The following SOBP variants were observed in gnomAD, a reference collection of about 807,000 sequenced individuals.
SOBP encodes the protein sine oculis-binding protein homolog.
In SOBP, 4 loss-of-function variants were observed where a neutral mutation model predicts 53.6. The ratio of observed to expected loss-of-function variants is 0.07; its 90% CI spans 0.04 to 0.17. The LOEUF is 0.17. Among genes scored for constraint, SOBP ranks in the 10% least tolerant of loss-of-function variants. The probability of loss-of-function intolerance (pLI) is 1.00; values close to 1 mark genes in which losing one functional copy is unlikely to be tolerated. For synonymous variants in SOBP, 584 were observed against 522.6 expected, an observed-to-expected ratio of 1.12 and a Z score of -1.60; for missense variants, 1,088 against 1,204.7, an observed-to-expected ratio of 0.90 and a Z score of 1.43.
At chr6:107,619,048 GGACAGA>G (rs1786907823) in intron 5 of SOBP, among the ~76,000 whole-genome samples, 1 of 152,182 alleles carries the variant, frequency 6.6e-6, no homozygotes, top group Non-Finnish European at 1.5e-5. Context: ...GTTGATTTCT[GGACAGA>G]GCCTGTTAAC....
At chr6:107,564,579 C>CTAA (rs1562618196) in intron 4 of SOBP, among the ~76,000 whole-genome samples, 1 of 104,766 alleles carries the variant, frequency 9.5e-6, no homozygotes. Context: ...TAGTTGTTGA[C>CTAA]CATAGCTCTG....
chr6:107,530,176 A>G (rs765245719), intron 3 of SOBP, among the ~76,000 whole-genome samples: 16 of 152,326 alleles, frequency 1.1e-4, no homozygotes, highest in Admixed American at 3.9e-4. Context: ...AAGACAGGTA[A>G]TTAGGTTTTC....
intron 6 of SOBP, among the ~76,000 whole-genome samples, chr6:107,654,705 T>C (rs1257961159): frequency 6.6e-6 from 1 of 152,122 alleles, no homozygotes; most frequent in Non-Finnish European, 1.5e-5. Context: ...GGATGGTGGC[T>C]GAGGAACACA....
At chr6:107,510,745 T>C (rs1314897691) in intron 3 of SOBP, 1 of 152,234 alleles carries the variant, frequency 6.6e-6, no homozygotes, top group African/African-American at 2.4e-5. Flanking sequence ...ATTTTCTAGC[T>C]GTATGTAGGT....
At chr6:107,580,902 G>A (rs1785381929) in intron 4 of SOBP, among the ~76,000 whole-genome samples, 2 of 152,164 alleles carry the variant, frequency 1.3e-5, no homozygotes, top group South Asian at 2.1e-4. Flanking sequence ...GCTGAGACTC[G>A]GGTATGGAGA....
At chr6:107,631,427 T>C (rs1770711969) in intron 5 of SOBP, among the ~76,000 whole-genome samples, 2 of 152,232 alleles carry the variant, frequency 1.3e-5, no homozygotes, top group African/African-American at 2.4e-5. Context: ...CACATCATTA[T>C]ACATTAATTT....
intron 5 of SOBP, among the ~76,000 whole-genome samples, chr6:107,613,302 C>A (rs1042200201): frequency 6.6e-6 from 1 of 152,250 alleles, no homozygotes; most frequent in Non-Finnish European, 1.5e-5. Context: ...GGTCCTAAGA[C>A]TAGACCCAGG....
chr6:107,498,602 GT>G (rs1411565592), intron 1 of SOBP, among the ~76,000 whole-genome samples: 7 of 152,130 alleles, frequency 4.6e-5, no homozygotes, highest in Non-Finnish European at 8.8e-5. Flanking sequence ...AAAAAATCAT[GT>G]AGGTTGAACT....
At chr6:107,646,462 C>G (rs1771563330) in intron 6 of SOBP, among the ~76,000 whole-genome samples, 1 of 152,218 alleles carries the variant, frequency 6.6e-6, no homozygotes, top group Non-Finnish European at 1.5e-5. Context: ...CAGATGTGGG[C>G]TGCTGTTTCA....
At chr6:107,656,317 A>AAAAC (rs1554193529) in intron 6 of SOBP, among the ~76,000 whole-genome samples, 68 of 39,462 alleles carry the variant, frequency 1.7e-3, no homozygotes, top group Non-Finnish European at 4.1e-3. Flanking sequence ...GAAAGAAAGA[A>AAAAC]AGAAAGAAAG....
intron 3 of SOBP, among the ~76,000 whole-genome samples, chr6:107,515,516 A>T (rs1487418887): frequency 6.6e-6 from 1 of 152,174 alleles, no homozygotes; most frequent in Non-Finnish European, 1.5e-5. Flanking sequence ...TGGGAGGCCG[A>T]GGTGGAGGGA....
At chr6:107,518,065 A>G (rs1426623969) in intron 3 of SOBP, among the ~76,000 whole-genome samples, 2 of 152,202 alleles carry the variant, frequency 1.3e-5, no homozygotes, top group East Asian at 1.9e-4. Context: ...TGAAAAAGCA[A>G]ATCACTGAGT....
chr6:107,532,717 G>A (rs1335992366), intron 3 of SOBP, among the ~76,000 whole-genome samples: 1 of 152,146 alleles, frequency 6.6e-6, no homozygotes, highest in African/African-American at 2.4e-5. Context: ...GGCTGAGAAT[G>A]ATCTGGCATT....
intron 3 of SOBP, among the ~76,000 whole-genome samples, chr6:107,508,598 T>G (rs533531939): frequency 6.6e-6 from 1 of 150,964 alleles, no homozygotes; most frequent in Non-Finnish European, 1.5e-5. Context: ...AAAAAAAAAG[T>G]CCTTTCATAT....
intron 5 of SOBP, among the ~76,000 whole-genome samples, chr6:107,611,466 G>T (rs1786596415): frequency 6.6e-6 from 1 of 152,172 alleles, no homozygotes; most frequent in African/African-American, 2.4e-5. Flanking sequence ...ACTAACATTT[G>T]ACTATAAGCA....
intron 4 of SOBP, among the ~76,000 whole-genome samples, chr6:107,551,657 A>G (rs1396709856): frequency 6.6e-6 from 1 of 152,262 alleles, no homozygotes; most frequent in Non-Finnish European, 1.5e-5. Flanking sequence ...TAAAAATTTC[A>G]TGAAATAATA....
intron 1 of SOBP, among the ~76,000 whole-genome samples, chr6:107,500,015 T>C (rs1341013713): frequency 6.6e-6 from 1 of 152,208 alleles, no homozygotes; most frequent in Non-Finnish European, 1.5e-5. Context: ...AAAACAATGC[T>C]GAAAAGTAAC....
At chr6:107,491,266 C>T (rs990357906) in intron 1 of SOBP, among the ~76,000 whole-genome samples, 1 of 152,214 alleles carries the variant, frequency 6.6e-6, no homozygotes, top group African/African-American at 2.4e-5. Flanking sequence ...ACGGTCCTGA[C>T]CGCTCTCCTC....
chr6:107,502,857 T>A (rs1782879582), intron 1 of SOBP, among the ~76,000 whole-genome samples: 1 of 152,022 alleles, frequency 6.6e-6, no homozygotes, highest in South Asian at 2.1e-4. Context: ...GCCTCCCAGG[T>A]TCAAGTGATT....
Sources: allele counts gnomAD v4.1 joint callset (sites outside exome capture counted in the v4.1 genomes callset), GRCh38; gene constraint gnomAD v4.1.1; transcripts MANE v1.5; gene names NCBI Gene and HGNC (gene_info 2026-07-23, HGNC 2026-07-21).